Variants in METTL24 observed in about 807,000 individuals in gnomAD.
METTL24 encodes methyltransferase like 24.
METTL24 carries 29 observed loss-of-function variants against 32.7 expected under a neutral mutation model. The observed-to-expected ratio is 0.89, with a 90% CI of 0.66 to 1.21. The LOEUF (loss-of-function observed/expected upper bound fraction) is 1.21. Ranked by LOEUF, METTL24 falls within the 50% of genes most tolerant of loss-of-function variation. The pLI is 0.00. For missense variants in METTL24, 439 were observed against 468.1 expected (o/e 0.94, Z 0.57); for synonymous variants, 163 against 179.5 (o/e 0.91, Z 0.73).
chr6:110,289,095 G>A (rs970276387), intron 4 of METTL24, among the ~76,000 whole-genome samples: 8 of 152,056 alleles, frequency 5.3e-5, no homozygotes, highest in African/African-American at 1.7e-4. Flanking sequence ...TAGAAGACCA[G>A]GTCCTGAAGG....
intron 4 of METTL24, among the ~76,000 whole-genome samples, chr6:110,279,446 A>G (rs955611136): frequency 2.0e-5 from 3 of 152,230 alleles, no homozygotes; most frequent in Admixed American, 6.5e-5. Flanking sequence ...GTAAAATGGT[A>G]CGAACTCTCT....
chr6:110,318,830 G>T (rs548770577), intron 2 of METTL24, among the ~76,000 whole-genome samples: 1 of 152,180 alleles, frequency 6.6e-6, no homozygotes, highest in East Asian at 1.9e-4. Flanking sequence ...AAACTTTCTA[G>T]TTAAGATTTA....
At chr6:110,261,901 A>G (rs1770738814) in intron 4 of METTL24, among the ~76,000 whole-genome samples, 1 of 152,194 alleles carries the variant, frequency 6.6e-6, no homozygotes, top group African/African-American at 2.4e-5. Flanking sequence ...AGAAATAAAG[A>G]TGTTCTTTGA....
chr6:110,265,845 C>A (rs1391700967), intron 4 of METTL24, among the ~76,000 whole-genome samples: 2 of 151,672 alleles, frequency 1.3e-5, no homozygotes, highest in Non-Finnish European at 2.9e-5. Context: ...TTTATTCCTC[C>A]TCCTCTTCCT....
chr6:110,319,941 T>C (rs1771902624), intron 2 of METTL24, among the ~76,000 whole-genome samples: 1 of 152,072 alleles, frequency 6.6e-6, no homozygotes, highest in African/African-American at 2.4e-5. Context: ...GCTTTCCCCA[T>C]CCATCTGTCT....
chr6:110,287,586 C>T (rs576039045), intron 4 of METTL24, among the ~76,000 whole-genome samples: 40 of 152,316 alleles, frequency 2.6e-4, no homozygotes, highest in African/African-American at 7.7e-4. Flanking sequence ...ATCTGGTTTT[C>T]GGTAAGGTTT....
intron 4 of METTL24, among the ~76,000 whole-genome samples, chr6:110,295,841 G>GGAAGGAAGGAAGGAAGGAAA (rs1165460076): frequency 2.0e-5 from 3 of 149,360 alleles, no homozygotes; most frequent in Admixed American, 1.3e-4. Flanking sequence ...AAGGAAGGAA[G>GGAAGGAAGGAAGGAAGGAAA]GTTCTCTATA....
intron 4 of METTL24, among the ~76,000 whole-genome samples, chr6:110,260,441 G>C (rs1778472519): frequency 6.6e-6 from 1 of 152,168 alleles, no homozygotes. Context: ...AACAAACAAA[G>C]CCTCCAAGAA....
chr6:110,340,319 G>C (rs757350147), intron 1 of METTL24, among the ~76,000 whole-genome samples: 8 of 152,172 alleles, frequency 5.3e-5, no homozygotes, highest in Non-Finnish European at 8.8e-5. Context: ...AGCCCAGCCA[G>C]CAGTGAAGTG....
chr6:110,294,670 A>G (rs954616188), intron 4 of METTL24, among the ~76,000 whole-genome samples: 2 of 152,170 alleles, frequency 1.3e-5, no homozygotes, highest in African/African-American at 4.8e-5. Flanking sequence ...AGCTATACAT[A>G]AACTAAAACT....
chr6:110,352,277 A>AC (rs1772620846), intron 1 of METTL24, among the ~76,000 whole-genome samples: 1 of 152,244 alleles, frequency 6.6e-6, no homozygotes, highest in East Asian at 1.9e-4. Flanking sequence ...AATTTTAACA[A>AC]CCTCTGTCTT....
intron 3 of METTL24, among the ~76,000 whole-genome samples, chr6:110,307,000 C>T (rs899606916): frequency 5.3e-5 from 8 of 152,132 alleles, no homozygotes; most frequent in African/African-American, 7.2e-5. Flanking sequence ...TTTCTAAGTC[C>T]GCAGTGCTGA....
intron 4 of METTL24, among the ~76,000 whole-genome samples, chr6:110,281,477 C>A (rs983641067): frequency 6.6e-6 from 1 of 151,768 alleles, no homozygotes; most frequent in Non-Finnish European, 1.5e-5. Context: ...CCCGTCTCTA[C>A]TAAAAATACA....
intron 3 of METTL24, among the ~76,000 whole-genome samples, chr6:110,309,428 G>T (rs1281381680): frequency 6.6e-6 from 1 of 152,168 alleles, no homozygotes; most frequent in Non-Finnish European, 1.5e-5. Context: ...TACACGCAAT[G>T]CCACATTTCA....
At chr6:110,263,099 A>G (rs1340559606) in intron 4 of METTL24, among the ~76,000 whole-genome samples, 1 of 152,208 alleles carries the variant, frequency 6.6e-6, no homozygotes, top group Non-Finnish European at 1.5e-5. Flanking sequence ...TATTCAACAT[A>G]GTGTTGGAAG....
intron 1 of METTL24, among the ~76,000 whole-genome samples, chr6:110,324,917 G>C (rs1771992103): frequency 6.6e-6 from 1 of 152,202 alleles, no homozygotes; most frequent in Non-Finnish European, 1.5e-5. Flanking sequence ...TGGTCAGGTG[G>C]GGGAGACAGA....
intron 1 of METTL24, among the ~76,000 whole-genome samples, chr6:110,339,112 A>G (rs751340158): frequency 1.3e-5 from 2 of 152,170 alleles, no homozygotes; most frequent in Non-Finnish European, 2.9e-5. Flanking sequence ...TTTACAAGTA[A>G]AATAAAGTAG....
At chr6:110,312,493 C>A (rs969279307) in intron 3 of METTL24, among the ~76,000 whole-genome samples, 2 of 152,154 alleles carry the variant, frequency 1.3e-5, no homozygotes, top group Non-Finnish European at 2.9e-5. Context: ...GGCATATATA[C>A]ACAATGGAAT....
chr6:110,255,337 T>G lies in METTL24; in HGVS notation c.787-9077A>C, dbSNP rs886636375. ...CCAACCTGAGACTGCTGAGCAAGAA[T>G]CTCCTGAGCTGGGTGAGGTGATAGA... On this transcript the variant is annotated intron_variant, in intron 4 of 4. Coordinates refer to ENST00000338882, the MANE Select transcript of METTL24 (RefSeq NM_001123364.3). 9.9e-5 allele frequency among the ~76,000 whole-genome samples: 15 copies of G among 151,952 alleles called. 1 individual carries two copies. The highest frequency in any genetic ancestry group is 1.5e-5 in the Non-Finnish European group (1 of 68,008).
Sources: allele counts gnomAD v4.1 joint callset (sites outside exome capture counted in the v4.1 genomes callset), GRCh38; gene constraint gnomAD v4.1.1; transcripts MANE v1.5; gene names NCBI Gene and HGNC (gene_info 2026-07-23, HGNC 2026-07-21).